PLD5: variants seen among roughly 807,000 people sequenced by gnomAD.
PLD5 encodes inactive phospholipase D5.
PLD5 carries 36 observed loss-of-function variants against 61.1 expected under a neutral mutation model. The ratio of observed to expected loss-of-function variants is 0.59; its 90% CI spans 0.45 to 0.78. The LOEUF (loss-of-function observed/expected upper bound fraction) is 0.78. Ranked by LOEUF, PLD5 falls within the 30% of genes least tolerant of loss-of-function variation. PLD5 has a pLI of 0.00. For missense variants in PLD5, 515 were observed against 644.4 expected (o/e 0.80, Z 2.17); for synonymous variants, 243 against 242.8 (o/e 1.00, Z -0.01).
chr1:242,292,004 G>A (rs1297493003), intron 2 of PLD5, among the ~76,000 whole-genome samples: 3 of 152,154 alleles, frequency 2.0e-5, no homozygotes, highest in Non-Finnish European at 4.4e-5. Context: ...GCAGGAAGAT[G>A]AGAGGGGTCC....
At chr1:242,282,452 C>T (rs1469568317) in intron 3 of PLD5, among the ~76,000 whole-genome samples, 2 of 152,080 alleles carry the variant, frequency 1.3e-5, no homozygotes, top group East Asian at 1.9e-4. Context: ...CTTGGATCAC[C>T]GAGCTCTTAT....
At chr1:242,323,800 A>C (rs181959348) in intron 2 of PLD5, among the ~76,000 whole-genome samples, 2 of 152,188 alleles carry the variant, frequency 1.3e-5, no homozygotes, top group Non-Finnish European at 2.9e-5. Context: ...TTCTAGTACT[A>C]AAATGTTTAA....
intron 3 of PLD5, among the ~76,000 whole-genome samples, chr1:242,278,299 T>A (rs193026955): frequency 3.8e-4 from 58 of 152,082 alleles, no homozygotes; most frequent in African/African-American, 1.3e-3. Context: ...GATAAGACAA[T>A]CTTAAAGAAA....
At chr1:242,485,941 C>T (rs1667944477) in intron 1 of PLD5, among the ~76,000 whole-genome samples, 1 of 152,026 alleles carries the variant, frequency 6.6e-6, no homozygotes, top group African/African-American at 2.4e-5. Flanking sequence ...CTTTGACAAA[C>T]CTGACAAAAA....
At chr1:242,182,856 G>A (rs550745216) in intron 5 of PLD5, among the ~76,000 whole-genome samples, 214 of 151,818 alleles carry the variant, frequency 1.4e-3, no homozygotes, top group African/African-American at 4.8e-3. Context: ...AAAATAAAAC[G>A]AATAAATAAA....
chr1:242,128,280 G>C (rs1662951587), intron 5 of PLD5, among the ~76,000 whole-genome samples: 1 of 151,470 alleles, frequency 6.6e-6, no homozygotes, highest in South Asian at 2.1e-4. Context: ...ACTCTAGCCT[G>C]GGCAACAGAG....
intron 2 of PLD5, among the ~76,000 whole-genome samples, chr1:242,321,746 C>A (rs1574728819): frequency 6.6e-6 from 1 of 152,186 alleles, no homozygotes. Flanking sequence ...CTTCTACACT[C>A]TCCTGGTGGT....
intron 8 of PLD5, among the ~76,000 whole-genome samples, chr1:242,107,250 CA>C (rs1406390191): frequency 6.6e-6 from 1 of 152,020 alleles, no homozygotes; most frequent in Non-Finnish European, 1.5e-5. Flanking sequence ...CCAAGGTGGG[CA>C]GATTGCTTGA....
chr1:242,375,457 G>C (rs979623963), intron 1 of PLD5, among the ~76,000 whole-genome samples: 1 of 152,138 alleles, frequency 6.6e-6, no homozygotes, highest in Non-Finnish European at 1.5e-5. Flanking sequence ...AGGGCCAAAT[G>C]TCCCACGTTT....
chr1:242,524,002 G>A, intron 1 of PLD5, 86 bp downstream of exon 1: 1 of 1,384,870 alleles, frequency 7.2e-7, no homozygotes, highest in Non-Finnish European at 9.5e-7. Context: ...TGCCCCCCGC[G>A]CCCCGCGCGC....
At chr1:242,095,186 C>T (rs1269501228) in intron 9 of PLD5, among the ~76,000 whole-genome samples, 2 of 152,022 alleles carry the variant, frequency 1.3e-5, no homozygotes, top group Non-Finnish European at 2.9e-5. Flanking sequence ...CCACCCACCT[C>T]AGCTTCCCAA....
At chr1:242,240,302 C>T (rs1057496059) in intron 4 of PLD5, among the ~76,000 whole-genome samples, 2 of 152,192 alleles carry the variant, frequency 1.3e-5, no homozygotes, top group Non-Finnish European at 2.9e-5. Flanking sequence ...TCATCCTGCT[C>T]AGTGTCACTA....
chr1:242,453,844 G>C (rs1666862707), intron 1 of PLD5, among the ~76,000 whole-genome samples: 1 of 152,106 alleles, frequency 6.6e-6, no homozygotes, highest in African/African-American at 2.4e-5. Flanking sequence ...CCCAACACCA[G>C]TTTTAACCCC....
chr1:242,137,408 T>TTGGTAAATTC (rs1435927908), intron 5 of PLD5, among the ~76,000 whole-genome samples: 5 of 152,228 alleles, frequency 3.3e-5, no homozygotes, highest in Admixed American at 3.3e-4. Flanking sequence ...TAAAACCGTC[T>TTGGTAAATTC]TGGTAAATTC....
At chr1:242,431,598 A>G (rs1665724572) in intron 1 of PLD5, among the ~76,000 whole-genome samples, 1 of 152,214 alleles carries the variant, frequency 6.6e-6, no homozygotes, top group South Asian at 2.1e-4. Context: ...TAACTACTTT[A>G]AGGGGAAACA....
At chr1:242,410,041 C>A (rs1365069497) in intron 1 of PLD5, among the ~76,000 whole-genome samples, 1 of 152,088 alleles carries the variant, frequency 6.6e-6, no homozygotes, top group Non-Finnish European at 1.5e-5. Flanking sequence ...CCTCTAGCTG[C>A]CTAAAATAAT....
intron 1 of PLD5, among the ~76,000 whole-genome samples, chr1:242,474,184 A>C (rs964439856): frequency 6.6e-6 from 1 of 152,210 alleles, no homozygotes; most frequent in Non-Finnish European, 1.5e-5. Flanking sequence ...TGCAATGGCA[A>C]AACCGCAATT....
At chr1:242,396,668 C>T (rs1188690509) in intron 1 of PLD5, among the ~76,000 whole-genome samples, 2 of 125,150 alleles carry the variant, frequency 1.6e-5, no homozygotes. Flanking sequence ...TCTTTCTTTT[C>T]TTTTCTTTTT....
intron 2 of PLD5, among the ~76,000 whole-genome samples, chr1:242,336,651 G>T (rs1215282712): frequency 1.3e-5 from 2 of 152,274 alleles, no homozygotes; most frequent in Non-Finnish European, 2.9e-5. Flanking sequence ...AGTGTTAGCA[G>T]TGTTTGCATC....
Sources: allele counts gnomAD v4.1 joint callset (sites outside exome capture counted in the v4.1 genomes callset), GRCh38; gene constraint gnomAD v4.1.1; transcripts MANE v1.5; gene names NCBI Gene and HGNC (gene_info 2026-07-23, HGNC 2026-07-21).